Variants in CREB5 observed in about 807,000 individuals in gnomAD.
CREB5 encodes the protein cAMP responsive element binding protein 5, also known as cyclic AMP-responsive element-binding protein 5.
CREB5 carries 19 observed loss-of-function variants against 57.1 expected under a neutral mutation model. The observed-to-expected ratio is 0.33, with a 90% CI of 0.23 to 0.49. The LOEUF is 0.49. CREB5 is among the 20% of genes least tolerant of loss of function. The probability of loss-of-function intolerance (pLI) is 0.99; values close to 1 mark genes in which losing one functional copy is unlikely to be tolerated. For synonymous variants in CREB5, 238 were observed against 238.3 expected, an observed-to-expected ratio of 1.00 and a Z score of 0.01; for missense variants, 579 against 671.6, an observed-to-expected ratio of 0.86 and a Z score of 1.52.
At chr7:28,799,235 C>G (rs910394607) in intron 7 of CREB5, among the ~76,000 whole-genome samples, 2 of 152,194 alleles carry the variant, frequency 1.3e-5, no homozygotes, top group Non-Finnish European at 2.9e-5. Flanking sequence ...AGACTCAACC[C>G]AGAGGCCTAT....
rs1800000900 is a variant in CREB5, at chr7:28,670,647, G to A, written c.465-48106G>A. Among the ~76,000 whole-genome samples the A allele has an allele frequency of 8.5e-5, 13 of 152,332 alleles. No homozygotes were observed. The South Asian group carries it at 2.7e-3, about 32-fold the overall frequency. ...AGCTTATATGAGGAAATTGTCTTAA[G>A]TTTGTCTTTAATTCTACATATCTCC... On this transcript the variant is annotated intron_variant, in intron 5 of 10. Coordinates refer to ENST00000357727, the MANE Select transcript of CREB5 (RefSeq NM_182898.4).
intron 7 of CREB5, among the ~76,000 whole-genome samples, chr7:28,740,744 C>G (rs1354264743): frequency 6.6e-6 from 1 of 152,034 alleles, no homozygotes; most frequent in Non-Finnish European, 1.5e-5. Context: ...GTAGAAAAAT[C>G]CTTCTGTTAA....
intron 1 of CREB5, among the ~76,000 whole-genome samples, chr7:28,470,105 A>G (rs969670271): frequency 6.6e-6 from 1 of 152,206 alleles, no homozygotes; most frequent in Non-Finnish European, 1.5e-5. Context: ...TTTAAAATGT[A>G]CAATTAAGTT....
intron 2 of CREB5, among the ~76,000 whole-genome samples, chr7:28,494,539 G>T (rs1791936852): frequency 6.6e-6 from 1 of 152,144 alleles, no homozygotes; most frequent in African/African-American, 2.4e-5. Context: ...GACTATCTAA[G>T]AAGTAGAGTG....
intron 1 of CREB5, among the ~76,000 whole-genome samples, chr7:28,331,384 A>G (rs1785712875): frequency 6.6e-6 from 1 of 151,766 alleles, no homozygotes; most frequent in South Asian, 2.1e-4. Context: ...AGATCTGTTT[A>G]TGTGCTATAG....
chr7:28,334,192 G>A (rs893667017), intron 1 of CREB5, among the ~76,000 whole-genome samples: 2 of 152,156 alleles, frequency 1.3e-5, no homozygotes, highest in Non-Finnish European at 2.9e-5. Flanking sequence ...TTTCACTCTT[G>A]TTGCCCAGGC....
chr7:28,751,125 A>G (rs572222044), intron 7 of CREB5, among the ~76,000 whole-genome samples: 1 of 147,474 alleles, frequency 6.8e-6, no homozygotes, highest in African/African-American at 2.5e-5. Flanking sequence ...TTAACCAACA[A>G]ACGAAGCCAC....
intron 7 of CREB5, among the ~76,000 whole-genome samples, chr7:28,764,696 A>T (rs1351044350): frequency 6.6e-6 from 1 of 152,226 alleles, no homozygotes; most frequent in Non-Finnish European, 1.5e-5. Flanking sequence ...GCTCCTCTCC[A>T]TGGATTGACT....
intron 1 of CREB5, among the ~76,000 whole-genome samples, chr7:28,334,455 C>T (rs982456398): frequency 2.6e-5 from 4 of 152,204 alleles, no homozygotes; most frequent in African/African-American, 9.7e-5. Context: ...CCATGCCCAG[C>T]TAACCACCTT....
intron 7 of CREB5, among the ~76,000 whole-genome samples, chr7:28,728,952 T>C (rs554509005): frequency 2.0e-5 from 3 of 152,130 alleles, no homozygotes; most frequent in Non-Finnish European, 4.4e-5. Flanking sequence ...CCTTTGAAAA[T>C]AGAAGTTGGA....
At chr7:28,814,200 C>T (rs950757270) in intron 9 of CREB5, among the ~76,000 whole-genome samples, 4 of 152,194 alleles carry the variant, frequency 2.6e-5, no homozygotes, top group African/African-American at 7.2e-5. Context: ...CCTTGAAAAG[C>T]GTTTTTACTT....
intron 7 of CREB5, among the ~76,000 whole-genome samples, chr7:28,750,489 C>A (rs1272623682): frequency 6.6e-6 from 1 of 152,146 alleles, no homozygotes; most frequent in Non-Finnish European, 1.5e-5. Context: ...TTGTGGATCT[C>A]ATTTTAAGGA....
At chr7:28,766,936 G>T (rs950297068) in intron 7 of CREB5, among the ~76,000 whole-genome samples, 1 of 152,226 alleles carries the variant, frequency 6.6e-6, no homozygotes, top group Non-Finnish European at 1.5e-5. Flanking sequence ...GAAGTATGGA[G>T]TAAGGACAGG....
chr7:28,595,157 C>T lies in CREB5; in HGVS notation c.464+24620C>T, dbSNP rs1796652719. Among the ~76,000 whole-genome samples, 4 of 152,110 alleles carry T rather than the reference C, an allele frequency of 2.6e-5. No homozygotes were observed. The South Asian group carries it at 8.3e-4, about 32-fold the overall frequency. On this transcript the variant is annotated intron_variant, in intron 5 of 10. Coordinates refer to ENST00000357727, the MANE Select transcript of CREB5 (RefSeq NM_182898.4). Reference sequence around the variant, plus strand: ...AGCTTAATGTGGTATGGTGATTTTCCTCAACTTGCAATATTTCTCAGAAAA... The same window carrying T: ...AGCTTAATGTGGTATGGTGATTTTCTTCAACTTGCAATATTTCTCAGAAAA...
chr7:28,675,564 G>A (rs1488550991), intron 5 of CREB5, among the ~76,000 whole-genome samples: 1 of 152,240 alleles, frequency 6.6e-6, no homozygotes, highest in East Asian at 1.9e-4. Flanking sequence ...AGACGAGAGA[G>A]AAACAAAAGG....
At chr7:28,808,612 C>T (rs1420311994) in intron 8 of CREB5, among the ~76,000 whole-genome samples, 5 of 151,832 alleles carry the variant, frequency 3.3e-5, no homozygotes, top group African/African-American at 4.8e-5. Flanking sequence ...GATCATAGCT[C>T]ATGGCAACCT....
At chr7:28,440,137 C>T (rs1047472825) in intron 1 of CREB5, among the ~76,000 whole-genome samples, 13 of 152,164 alleles carry the variant, frequency 8.5e-5, no homozygotes, top group African/African-American at 2.4e-4. Flanking sequence ...GTCCTCTCCA[C>T]GTGACAGTAA....
At chr7:28,352,552 T>G (rs1444337268) in intron 1 of CREB5, among the ~76,000 whole-genome samples, 1 of 152,172 alleles carries the variant, frequency 6.6e-6, no homozygotes, top group Admixed American at 6.5e-5. Context: ...GATTCTTTCT[T>G]TTTGCTCAGC....
At chr7:28,819,055 C>A in intron 10 of CREB5, 61 bp from the exon 11 acceptor site, 1 of 1,537,426 alleles carries the variant, frequency 6.5e-7, no homozygotes, top group South Asian at 1.3e-5. Context: ...CAAGTCCATA[C>A]AAAAAAGACC....
Sources: allele counts gnomAD v4.1 joint callset (sites outside exome capture counted in the v4.1 genomes callset), GRCh38; gene constraint gnomAD v4.1.1; transcripts MANE v1.5; gene names NCBI Gene and HGNC (gene_info 2026-07-23, HGNC 2026-07-21).